Variants in CIP2A observed in about 807,000 individuals in gnomAD.
CIP2A encodes the protein protein CIP2A.
Under a neutral mutation model 110.9 loss-of-function variants are expected in CIP2A, and 103 were observed. The ratio of observed to expected loss-of-function variants is 0.93; its 90% CI spans 0.79 to 1.09. The LOEUF is 1.09. Among genes scored for constraint, CIP2A ranks in the 50% least tolerant of loss-of-function variants. CIP2A has a pLI of 0.00. For synonymous variants in CIP2A, 381 were observed against 361.6 expected (o/e 1.05, Z -0.61); for missense variants, 1,088 against 1,038.4 (o/e 1.05, Z -0.66).
rs944076486 is a variant in CIP2A, at chr3:108,582,901, C to T, written c.357+76G>A. On this transcript the variant is annotated intron_variant, in intron 3 of 20. Coordinates refer to ENST00000295746, the MANE Select transcript of CIP2A (RefSeq NM_020890.3). The stretch of plus-strand genomic sequence containing the variant: ...TATATAGCATATATACACTGTAAGT[C>T]AGCAGTTTATGACAGAAACTATCAA... 14 of 807,756 alleles carry T rather than the reference C, an allele frequency of 1.7e-5. No homozygotes were observed. In the African/African-American group the frequency reaches 1.9e-4, roughly 11 times the overall value. 50.0% of individuals were successfully genotyped at this position (807,756 alleles called of 1,614,324 possible). A position where few individuals can be genotyped will look rare whatever the true frequency, so the allele number is the denominator to read the frequency against.
chr3:108,569,339 A>G (rs370680257), intron 9 of CIP2A, 50 bp downstream of exon 9: 11 of 1,318,788 alleles, frequency 8.3e-6, no homozygotes, highest in Middle Eastern at 1.8e-4. Flanking sequence ...ACAAATTGTT[A>G]ACTGAGAGTC....
intron 19 of CIP2A, 116 bp from the exon 20 acceptor site, chr3:108,552,489 C>A: frequency 1.8e-6 from 1 of 551,304 alleles, no homozygotes; most frequent in Non-Finnish European, 3.0e-6. Context: ...GGAAGAGAAA[C>A]TTCTCTTATG....
chr3:108,577,887 A>C (rs1308967393), intron 7 of CIP2A, among the ~76,000 whole-genome samples: 2 of 152,202 alleles, frequency 1.3e-5, no homozygotes, highest in Admixed American at 1.3e-4. Context: ...CAATAGAGCG[A>C]GACTCTGTCT....
At chr3:108,576,371 T>C (rs764690299) in intron 7 of CIP2A, 25 bp from the exon 8 acceptor site, 2 of 1,182,100 alleles carry the variant, frequency 1.7e-6, no homozygotes, top group Non-Finnish European at 2.4e-6. Context: ...AAAATATACA[T>C]CAAATGATAA....
At chr3:108,581,191 T>C (rs1003642992) in intron 5 of CIP2A, among the ~76,000 whole-genome samples, 2 of 152,192 alleles carry the variant, frequency 1.3e-5, no homozygotes, top group Non-Finnish European at 2.9e-5. Context: ...TAGAAATAAG[T>C]GTTTGCATTA....
rs372991801 is a variant in CIP2A, at chr3:108,575,820, A to ATG, written c.894+449_894+450dup. On this transcript the variant is annotated intron_variant, in intron 8 of 20. Transcript: ENST00000295746. ...TATACGTGTATATATACTCATATAC[A>ATG]TGTGTATATACGTGTATATATACTC... 1.6e-4 allele frequency among the ~76,000 whole-genome samples: 6 copies of ATG among 38,270 alleles called. 2 individuals are homozygous for ATG. The highest frequency in any genetic ancestry group is 3.3e-4 in the African/African-American group (6 of 18,220). The allele number at this position is 38,270 out of a possible 152,430, so 25.1% of individuals were successfully genotyped here.
rs377136430 is a variant in CIP2A, at chr3:108,581,364, C to G, written c.549+51G>C. The G allele has an allele frequency of 4.4e-4, 556 of 1,251,522 alleles. 1 individual carries two copies. Among genetic ancestry groups the G allele is most frequent in the Middle Eastern group, 1.2e-3 (6 of 5,204 alleles). 77.5% of individuals were successfully genotyped at this position (1,251,522 alleles called of 1,614,324 possible). On this transcript the variant is annotated intron_variant, in intron 5 of 20. Coordinates refer to ENST00000295746, the MANE Select transcript of CIP2A (RefSeq NM_020890.3). Reference sequence around the variant, plus strand: ...AAAGATAAATACAATTTTCTTTAAGCAGAGAATCTACCATAAAACAAGAAA... The same window carrying G: ...AAAGATAAATACAATTTTCTTTAAGGAGAGAATCTACCATAAAACAAGAAA...
chr3:108,564,902 T>C (rs1328319907), intron 12 of CIP2A, among the ~76,000 whole-genome samples: 1 of 151,880 alleles, frequency 6.6e-6, no homozygotes, highest in Non-Finnish European at 1.5e-5. Flanking sequence ...ACTATTATCA[T>C]TGAAATTTGT....
intron 1 of CIP2A, among the ~76,000 whole-genome samples, chr3:108,588,847 CAAGT>C (rs1164269568): frequency 6.6e-6 from 1 of 152,156 alleles, no homozygotes; most frequent in Non-Finnish European, 1.5e-5. Context: ...AACCCGAGTT[CAAGT>C]AAGAGCAGTA....
intron 7 of CIP2A, among the ~76,000 whole-genome samples, chr3:108,578,279 A>C (rs1390734767): frequency 6.6e-6 from 1 of 152,228 alleles, no homozygotes; most frequent in African/African-American, 2.4e-5. Flanking sequence ...AATAAGCACT[A>C]TCTGGTGGGT....
At position 108,582,169 on chromosome 3, in the gene CIP2A, CATTAT is replaced by C; in HGVS notation, c.386_390del (p.Tyr129CysfsTer12). 1 of 1,482,300 alleles carries C rather than the reference CATTAT, an allele frequency of 6.7e-7. No homozygotes were observed. The highest frequency in any genetic ancestry group is 9.3e-7 in the Non-Finnish European group (1 of 1,076,594). The allele number at this position is 1,482,300 out of a possible 1,614,324, so 91.8% of individuals were successfully genotyped here. A position where few individuals can be genotyped will look rare whatever the true frequency, so the allele number is the denominator to read the frequency against. On this transcript the variant is annotated frameshift_variant, in exon 4 of 21. Transcript: ENST00000295746. LOFTEE classifies it high-confidence loss of function. ...TTGGCACCAGAATAGAAAATTTTGA[CATTAT>C]ATGTTAACTTCTGTAGAAGTTGAAT...
chr3:108,563,055 C>T (rs1343985151), intron 13 of CIP2A, 71 bp downstream of exon 13: 2 of 924,986 alleles, frequency 2.2e-6, no homozygotes, highest in Admixed American at 1.8e-5. Context: ...TGTATCTATA[C>T]TGAGGACTAA....
rs778238605 is a variant in CIP2A at position 108,569,470 on chromosome 3, T to C, written c.1032A>G (p.Leu344=). 9 of 1,612,908 alleles carry C rather than the reference T, an allele frequency of 5.6e-6. No individual in the cohort carries two copies. Among genetic ancestry groups the C allele is most frequent in the Middle Eastern group, 1.7e-4 (1 of 6,054 alleles). The part of the protein sequence containing the change: ...HTKCLEPTVA[L]LRWLSQPLDG... The stretch of plus-strand genomic sequence containing the variant: ...CCAAAGGTTGGCTTAACCAGCGCAG[T>C]AGAGCCACAGTAGGTTCTAAACATT... Residue 344 remains leucine (L), a synonymous_variant, in exon 9 of 21, where the codon CTA becomes CTG. Transcript: ENST00000295746.
chr3:108,580,327 T>C (rs1352064900), intron 5 of CIP2A, among the ~76,000 whole-genome samples: 1 of 152,172 alleles, frequency 6.6e-6, no homozygotes, highest in Non-Finnish European at 1.5e-5. Flanking sequence ...ACAATCTTGG[T>C]GAAGAGCAGT....
At chr3:108,565,177 T>C (rs113422223) in intron 12 of CIP2A, among the ~76,000 whole-genome samples, 178 bp downstream of exon 12, 297 of 152,036 alleles carry the variant, frequency 2.0e-3, no homozygotes, top group African/African-American at 6.1e-3. Flanking sequence ...TGTGAAAGTA[T>C]ATAAAATAAC....
intron 7 of CIP2A, among the ~76,000 whole-genome samples, chr3:108,576,985 A>G (rs1028982591): frequency 6.6e-6 from 1 of 152,216 alleles, no homozygotes; most frequent in Non-Finnish European, 1.5e-5. Flanking sequence ...ACTATGGAAC[A>G]AAGAATATTG....
At chr3:108,553,174 T>TTGGA (rs1937637816) in intron 19 of CIP2A, among the ~76,000 whole-genome samples, 1 of 141,540 alleles carries the variant, frequency 7.1e-6, no homozygotes, top group African/African-American at 2.6e-5. Flanking sequence ...GTCACCCAGG[T>TTGGA]TGGAGTGCAG....
chr3:108,583,005 C>T lies in CIP2A; in HGVS notation c.329G>A (p.Ser110Asn), dbSNP rs201595307. ...CAAAAACACCGAATCAGTGTGGCTG[C>T]TCCGACAAACCACTCCCGCCAGCAC... ...NSVLAGVVCR[S>N]SHTDSVFLQC... Residue 110 changes from serine (S) to asparagine (N), a missense_variant, in exon 3 of 21, where the codon AGC becomes AAC. Transcript: ENST00000295746. 1.2e-6 allele frequency: 2 copies of T among 1,609,914 alleles called. No individual in the cohort carries two copies. The highest frequency in any genetic ancestry group is 1.7e-6 in the Non-Finnish European group (2 of 1,178,200).
rs540020848 is a variant in CIP2A at position 108,563,187 on chromosome 3, C to T, written c.1573G>A (p.Val525Ile). The T allele has an allele frequency of 1.2e-5, 20 of 1,612,954 alleles. No homozygotes were observed. Among genetic ancestry groups the T allele is most frequent in the Non-Finnish European group, 1.7e-5 (20 of 1,179,196 alleles). Residue 525 changes from valine (V) to isoleucine (I), a missense_variant, in exon 13 of 21, where the codon GTA (valine) becomes ATA (isoleucine). Physicochemically the swap from Val to Ile is conservative, Grantham distance 29 (BLOSUM62 3). Coordinates refer to ENST00000295746, the MANE Select transcript of CIP2A (RefSeq NM_020890.3). ...FALTSDNREQVQSGLRILLEA... is the reference protein window; with the variant it reads ...FALTSDNREQIQSGLRILLEA... ...AATAATATTCTCAGTCCAGACTGTACTTGTTCTCTATTATCTGACGTTAAA... is the reference window on the plus strand; with the variant it reads ...AATAATATTCTCAGTCCAGACTGTATTTGTTCTCTATTATCTGACGTTAAA...
Sources: gnomAD v4.1 joint callset for allele counts (sites outside exome capture counted in the v4.1 genomes callset) on GRCh38, gnomAD v4.1.1 for gene constraint, MANE v1.5 for transcripts, NCBI Gene and HGNC (gene_info 2026-07-23, HGNC 2026-07-21) for gene names.